The following PRKCQ variants were observed in gnomAD, a reference collection of about 807,000 sequenced individuals.
PRKCQ encodes protein kinase C theta type.
Under a neutral mutation model 91.2 loss-of-function variants are expected in PRKCQ, and 41 were observed. That is an observed-to-expected ratio of 0.45 (90% confidence interval 0.35 to 0.58). The LOEUF (loss-of-function observed/expected upper bound fraction) is 0.58, where lower values mean the gene tolerates loss of function less well. Ranked by LOEUF, PRKCQ falls within the 20% of genes least tolerant of loss-of-function variation. The pLI is 0.00. For missense variants in PRKCQ, 673 were observed against 896.5 expected (o/e 0.75, Z 3.18); for synonymous variants, 307 against 316.9 (o/e 0.97, Z 0.33).
chr10:6,550,566 G>A (rs1418595360), intron 1 of PRKCQ, among the ~76,000 whole-genome samples: 1 of 152,224 alleles, frequency 6.6e-6, no homozygotes, highest in Admixed American at 6.5e-5. Flanking sequence ...GAACCACTGT[G>A]CCCAGCCTCC....
rs200492706 is a variant in PRKCQ at position 6,484,421 on chromosome 10, G to GA, written c.1018+730dup. On this transcript the variant is annotated intron_variant, in intron 10 of 17. Coordinates refer to ENST00000263125, the MANE Select transcript of PRKCQ (RefSeq NM_006257.5). ...AGAGCAAGACTCTGTCTTCAAAAAA[G>GA]AAAAAAAAAAGATGCTGCCTATGTT... Among the ~76,000 whole-genome samples the GA allele has an allele frequency of 4.1e-3, 591 of 145,552 alleles. 3 individuals carry two copies. The highest frequency in any genetic ancestry group is 0.014 in the African/African-American group (550 of 39,784).
chr10:6,450,401 C>G (rs2132288083), intron 15 of PRKCQ, among the ~76,000 whole-genome samples: 1 of 152,050 alleles, frequency 6.6e-6, no homozygotes, highest in East Asian at 1.9e-4. Context: ...ATATATGCAT[C>G]CAATACAGGA....
intron 1 of PRKCQ, among the ~76,000 whole-genome samples, chr10:6,537,700 C>T (rs532767687): frequency 9.2e-5 from 14 of 152,308 alleles, no homozygotes; most frequent in Non-Finnish European, 1.5e-4. Flanking sequence ...TTCGCTGGTC[C>T]TTGCTGCAGA....
At chr10:6,551,913 T>C (rs546397167) in intron 1 of PRKCQ, among the ~76,000 whole-genome samples, 1 of 152,330 alleles carries the variant, frequency 6.6e-6, no homozygotes, top group East Asian at 1.9e-4. Context: ...TCCACAATGG[T>C]TGAACTGGTT....
At chr10:6,493,519 G>A (rs1837434304) in intron 7 of PRKCQ, among the ~76,000 whole-genome samples, 1 of 152,176 alleles carries the variant, frequency 6.6e-6, no homozygotes, top group Non-Finnish European at 1.5e-5. Context: ...GTCCCCTTGA[G>A]TGAACAAGAA....
chr10:6,400,246 A>G, the PRKCQ span, among the ~76,000 whole-genome samples: 1 of 152,104 alleles, frequency 6.6e-6, no homozygotes, highest in Admixed American at 6.5e-5. Flanking sequence ...TTAGCAAACT[A>G]TGTAATTTAC....
In PRKCQ at chr10:6,430,753, C is replaced by A. The variant is rs910616407; in HGVS notation, c.1965+57G>T. 5 of 1,581,810 alleles carry A rather than the reference C, an allele frequency of 3.2e-6. No individual in the cohort carries two copies. The highest frequency in any genetic ancestry group is 4.3e-6 in the Non-Finnish European group (5 of 1,162,202). ...AGCTGCGGTGACTTGGACAGGCAGA[C>A]GGCCCTGAGCGGAGGGAGAGTGGCT... On this transcript the variant is annotated intron_variant, in intron 17 of 17. Coordinates refer to ENST00000263125, the MANE Select transcript of PRKCQ (RefSeq NM_006257.5). This position sits in a 1 kb window ranked among gnomAD's most constrained non-coding sequence, Gnocchi z 4.7.
the PRKCQ span, among the ~76,000 whole-genome samples, chr10:6,401,681 A>G: frequency 4.3e-4 from 66 of 152,262 alleles, no homozygotes; most frequent in South Asian, 0.012. Context: ...TCTGATTCCC[A>G]CGGGCTTTCC....
chr10:6,431,155 A>G (rs975928874), intron 16 of PRKCQ, among the ~76,000 whole-genome samples: 1 of 152,212 alleles, frequency 6.6e-6, no homozygotes, highest in Admixed American at 6.5e-5. Flanking sequence ...TCTGAGGTGC[A>G]TAGACCTGAT....
At chr10:6,483,414 T>C (rs764540863) in intron 11 of PRKCQ, 26 bp downstream of exon 11, 20 of 1,613,716 alleles carry the variant, frequency 1.2e-5, no homozygotes, top group Admixed American at 1.2e-4. Flanking sequence ...AGTTGGGCCA[T>C]AGCATTCTCC....
At chr10:6,538,278 G>A (rs1422414715) in intron 1 of PRKCQ, among the ~76,000 whole-genome samples, 3 of 152,240 alleles carry the variant, frequency 2.0e-5, no homozygotes, top group African/African-American at 7.2e-5. Flanking sequence ...TCAGAAGACG[G>A]GTATGCCAGC....
Position 6,486,030 on chromosome 10 carries a change from C to A in PRKCQ, c.900+5G>T. 6.2e-7 allele frequency: 1 copy of A among 1,612,658 alleles called. No homozygotes were observed. ...CGGGAACGTGTCCACGGCACATGCT[C>A]CTACCTGTTGAGTGCTCTCAATCAT... is the stretch of plus-strand genomic sequence containing the variant. On this transcript the variant is annotated splice_donor_5th_base_variant and intron_variant, in intron 9 of 17. Transcript: ENST00000263125.
At chr10:6,403,138 G>A in the PRKCQ span, among the ~76,000 whole-genome samples, 2 of 152,154 alleles carry the variant, frequency 1.3e-5, no homozygotes, top group Non-Finnish European at 2.9e-5. Context: ...GCATAGCACC[G>A]GGCACTGGCC....
chr10:6,535,796 C>T (rs1839561384), intron 1 of PRKCQ, among the ~76,000 whole-genome samples: 1 of 152,152 alleles, frequency 6.6e-6, no homozygotes, highest in Non-Finnish European at 1.5e-5. Flanking sequence ...GATTACAGTC[C>T]CCTGCTCTTC....
At chr10:6,511,557 G>A (rs1316492867) in intron 2 of PRKCQ, among the ~76,000 whole-genome samples, 1 of 152,190 alleles carries the variant, frequency 6.6e-6, no homozygotes, top group Non-Finnish European at 1.5e-5. Flanking sequence ...GCTTTAGTTG[G>A]GTGCTGCAGC....
At chr10:6,478,725 G>A (rs562698627) in intron 12 of PRKCQ, among the ~76,000 whole-genome samples, 14 of 152,336 alleles carry the variant, frequency 9.2e-5, no homozygotes, top group African/African-American at 2.9e-4. Flanking sequence ...AAGCCTGGTT[G>A]TTATGCTAAA....
chr10:6,574,909 C>T (rs1307640427), intron 1 of PRKCQ, among the ~76,000 whole-genome samples: 1 of 152,206 alleles, frequency 6.6e-6, no homozygotes, highest in African/African-American at 2.4e-5. Flanking sequence ...TCACTGACAG[C>T]TCTGCGACAC....
intron 4 of PRKCQ, among the ~76,000 whole-genome samples, chr10:6,507,226 G>A (rs1838245148): frequency 6.6e-6 from 1 of 152,178 alleles, no homozygotes; most frequent in South Asian, 2.1e-4. Flanking sequence ...TAAAACAAGT[G>A]CTATAAATGT....
chr10:6,505,446 T>C (rs996830415), intron 4 of PRKCQ, among the ~76,000 whole-genome samples: 9 of 151,848 alleles, frequency 5.9e-5, no homozygotes, highest in African/African-American at 2.2e-4. Context: ...CCTTCCTTCT[T>C]TCTTTCTTTT....
Sources: gnomAD v4.1 joint callset for allele counts (sites outside exome capture counted in the v4.1 genomes callset) on GRCh38, gnomAD v4.1.1 for gene constraint, Gnocchi (gnomAD v3.1) non-coding constraint, MANE v1.5 for transcripts, NCBI Gene and HGNC (gene_info 2026-07-23, HGNC 2026-07-21) for gene names.